Variants in CHD8 observed in about 807,000 individuals in gnomAD.
CHD8 encodes the protein ATP-dependent chromatin remodeler CHD8.
In CHD8, 31 loss-of-function variants were observed where a neutral mutation model predicts 279.2. The observed-to-expected ratio is 0.11, with a 90% CI of 0.08 to 0.15. The LOEUF is 0.15. Ranked by LOEUF, CHD8 falls within the 10% of genes least tolerant of loss-of-function variation. The pLI is 1.00. For missense variants in CHD8, 2,146 were observed against 3,230.5 expected (o/e 0.66, Z 8.14); for synonymous variants, 1,081 against 1,139.6 (o/e 0.95, Z 1.04).
Position 21,431,852 on chromosome 14 carries a change from GGA to G in CHD8, c.-211_-210del. 1 of 1,608,608 alleles carries G rather than the reference GGA, an allele frequency of 6.2e-7. No homozygotes were observed. The highest frequency in any genetic ancestry group is 8.5e-7 in the Non-Finnish European group (1 of 1,174,996). ...GGCTACGTCTTCAGAGGAAGATGGT[GGA>G]ACTCCTGTTGTAGGAATACAAATAC... On this transcript the variant is annotated 5_prime_UTR_variant, in exon 2 of 38. Coordinates refer to ENST00000646647, the MANE Select transcript of CHD8 (RefSeq NM_001170629.2).
In CHD8 at chr14:21,415,506, AAAATAAATAAATAAAT is replaced by A. The variant is rs34695967; in HGVS notation, c.1968+52_1968+67del. ...GGTAACACAGTTAGACTCTATTTCA[AAAATAAATAAATAAAT>A]AAATAAATAAATAAATAAATAAAAA... On this transcript the variant is annotated intron_variant, in intron 7 of 37. Transcript: ENST00000646647. 27 of 807,902 alleles carry A rather than the reference AAAATAAATAAATAAAT, an allele frequency of 3.3e-5. No homozygotes were observed. The Middle Eastern group carries it at 1.7e-3, about 50-fold the overall frequency. The allele number at this position is 807,902 out of a possible 1,614,324, so 50.0% of individuals were successfully genotyped here.
chr14:21,424,487 T>G (rs532382343), intron 5 of CHD8, among the ~76,000 whole-genome samples: 6 of 152,180 alleles, frequency 3.9e-5, no homozygotes, highest in Middle Eastern at 3.2e-3. Context: ...TTTTGTTTTT[T>G]TGAGGTGGAG....
intron 27 of CHD8, 32 bp downstream of exon 27, chr14:21,397,791 A>G (rs756234470): frequency 1.9e-6 from 3 of 1,605,336 alleles, no homozygotes; most frequent in Non-Finnish European, 2.6e-6. Flanking sequence ...GGCACAAGTT[A>G]GAGTTTTAAA....
At position 21,447,114 on chromosome 14, in the gene CHD8, GCA is replaced by G. The variant is rs534110584; in HGVS notation, c.-216+8916_-216+8917del. Among the ~76,000 whole-genome samples the G allele has an allele frequency of 2.0e-3, 303 of 152,302 alleles. 6 individuals carry two copies. Among genetic ancestry groups the G allele is most frequent in the Admixed American group, 0.015 (236 of 15,292 alleles). ...ACTGCATGACAACAAAAGGACAGTAGCACAGTTTCCTACCAGAAACATTCAGA... is the reference window on the plus strand; with the variant it reads ...ACTGCATGACAACAAAAGGACAGTAGCAGTTTCCTACCAGAAACATTCAGA... On this transcript the variant is annotated intron_variant, in intron 1 of 37. Coordinates refer to ENST00000646647, the MANE Select transcript of CHD8 (RefSeq NM_001170629.2).
In CHD8 at chr14:21,400,046, T is replaced by C. The variant is rs61756311; in HGVS notation, c.4752A>G (p.Leu1584=). Residue 1584 remains leucine (L), a synonymous_variant, in exon 25 of 38, where the codon CTA becomes CTG. Transcript: ENST00000646647. The surrounding 1 kb of genome is among the most constrained non-coding windows in gnomAD (Gnocchi z 4.2). ...CAATAACCTCCTGCCTCAGGTAGTA[T>C]AGCATTCGTACCCGCAACAGTACCC... ...CNKVLLRVRM[L]YYLRQEVIGD... 604 of 1,613,630 alleles carry C rather than the reference T, an allele frequency of 3.7e-4. No individual in the cohort carries two copies. Among genetic ancestry groups the C allele is most frequent in the Non-Finnish European group, 4.7e-4 (552 of 1,179,848 alleles).
intron 26 of CHD8, chr14:21,398,782 T>C (rs1235171275): frequency 6.0e-6 from 1 of 167,578 alleles, no homozygotes; most frequent in African/African-American, 2.4e-5. Context: ...TCCCTTCTTA[T>C]ACTCTACTTT....
rs1424766542 is a variant in CHD8, at chr14:21,440,088, A to G, written c.-215-8230T>C. 2.6e-5 allele frequency among the ~76,000 whole-genome samples: 4 copies of G among 152,256 alleles called. No homozygotes were observed. The East Asian group carries it at 7.7e-4, about 29-fold the overall frequency. The stretch of plus-strand genomic sequence containing the variant: ...GTATGTATGTGGGAAGAGGGTAAAG[A>G]GTAGGCAGTATGACAACAGTGACAA... On this transcript the variant is annotated intron_variant, in intron 1 of 37. Coordinates refer to ENST00000646647, the MANE Select transcript of CHD8 (RefSeq NM_001170629.2).
intron 5 of CHD8, among the ~76,000 whole-genome samples, chr14:21,417,241 A>G (rs1216867717): frequency 6.6e-6 from 1 of 152,102 alleles, no homozygotes; most frequent in African/African-American, 2.4e-5. Context: ...ATTTGGCAAC[A>G]CCCTTTGAAC....
chr14:21,438,527 A>AAG (rs1313041571), intron 1 of CHD8, among the ~76,000 whole-genome samples: 11 of 149,372 alleles, frequency 7.4e-5, no homozygotes, highest in African/African-American at 1.0e-4. Context: ...AAAAAAAAAA[A>AAG]AAAAGAAAGA....
intron 5 of CHD8, among the ~76,000 whole-genome samples, chr14:21,423,666 T>C (rs1016865963): frequency 1.3e-5 from 2 of 152,138 alleles, no homozygotes; most frequent in Non-Finnish European, 2.9e-5. Flanking sequence ...CCTCCCAAAG[T>C]GCAGTGATTA....
Position 21,441,890 on chromosome 14 carries a change from AAAAC to A in CHD8, c.-215-10036_-215-10033del, listed in dbSNP as rs57797895. Reference sequence around the variant, plus strand: ...GGTGACAGAGCGAGACTCCACCTCAAAAACAAACAAACAAACAAACAAAAACCAA... The same window carrying A: ...GGTGACAGAGCGAGACTCCACCTCAAAAACAAACAAACAAACAAAAACCAA... On this transcript the variant is annotated intron_variant, in intron 1 of 37. Coordinates refer to ENST00000646647, the MANE Select transcript of CHD8 (RefSeq NM_001170629.2). Among the ~76,000 whole-genome samples, 1,331 of 150,518 alleles carry A rather than the reference AAAAC, an allele frequency of 8.8e-3. 10 individuals are homozygous for A. Among genetic ancestry groups the A allele is most frequent in the Non-Finnish European group, 0.012 (834 of 67,562 alleles).
chr14:21,385,371 A>T lies in CHD8; in HGVS notation c.*242T>A. Reference sequence around the variant, plus strand: ...GAGGGGTGAGCACACCAGCTGCTCTAGTCTCCTTTCCTTCCCCAGAAATGA... The same window carrying T: ...GAGGGGTGAGCACACCAGCTGCTCTTGTCTCCTTTCCTTCCCCAGAAATGA... On this transcript the variant is annotated 3_prime_UTR_variant, in exon 38 of 38. Transcript: ENST00000646647. The T allele has an allele frequency of 1.7e-6, 1 of 582,622 alleles. No individual in the cohort carries two copies. Among genetic ancestry groups the T allele is most frequent in the Non-Finnish European group, 2.9e-6 (1 of 346,640 alleles). The allele number at this position is 582,622 out of a possible 1,614,324, so 36.1% of individuals were successfully genotyped here. A position where few individuals can be genotyped will look rare whatever the true frequency, so the allele number is the denominator to read the frequency against.
intron 37 of CHD8, among the ~76,000 whole-genome samples, chr14:21,390,696 T>C (rs1887487343): frequency 6.6e-6 from 1 of 151,010 alleles, no homozygotes; most frequent in Admixed American, 6.6e-5. Flanking sequence ...GAGAATTGCT[T>C]GAACCCGGCG....
In CHD8 at chr14:21,416,092, A is replaced by G. The variant is rs1289209913; in HGVS notation, c.1717-185T>C. 6.1e-6 allele frequency: 3 copies of G among 495,450 alleles called. No homozygotes were observed. In the East Asian group the frequency reaches 9.7e-5, roughly 16 times the overall value. 30.7% of individuals were successfully genotyped at this position (495,450 alleles called of 1,614,324 possible). A position where few individuals can be genotyped will look rare whatever the true frequency, so the allele number is the denominator to read the frequency against. ...TATGCTATGTACTGACCATATATCA[A>G]TTTGCTTAACTGCTTTATGAAAGGC... On this transcript the variant is annotated intron_variant, in intron 5 of 37. Transcript: ENST00000646647.
In CHD8 at chr14:21,405,096, G is replaced by T; in HGVS notation, c.3307+113C>A. On this transcript the variant is annotated intron_variant, in intron 16 of 37. Coordinates refer to ENST00000646647, the MANE Select transcript of CHD8 (RefSeq NM_001170629.2). This position sits in a 1 kb window ranked among gnomAD's most constrained non-coding sequence, Gnocchi z 4.2. ...CCATTTCCCTCCCATTCCTCAGTCC[G>T]CACCCCAAATTAGGTTGGTTGAGTC... 2 of 991,726 alleles carry T rather than the reference G, an allele frequency of 2.0e-6. No homozygotes were observed. Among genetic ancestry groups the T allele is most frequent in the Non-Finnish European group, 3.0e-6 (2 of 669,588 alleles). 61.4% of individuals were successfully genotyped at this position (991,726 alleles called of 1,614,324 possible).
chr14:21,401,031 G>T lies in CHD8; in HGVS notation c.4214C>A (p.Thr1405Lys). 6.2e-7 allele frequency: 1 copy of T among 1,613,222 alleles called. No individual in the cohort carries two copies. The highest frequency in any genetic ancestry group is 1.1e-5 in the South Asian group (1 of 90,962). Residue 1405 changes from threonine to lysine, a missense_variant, in exon 22 of 38, where the codon ACG becomes AAG. Transcript: ENST00000646647. ...VIDTPRVRKQTRHFSTLKDDD... is the reference protein window; with the variant it reads ...VIDTPRVRKQKRHFSTLKDDD... ...ATCTTTCAGAGTGCTAAAGTGGCGC[G>T]TTTGTTTTCGTACTCTAGGTGTGTC...
Position 21,405,110 on chromosome 14 carries a change from G to A in CHD8, c.3307+99C>T. On this transcript the variant is annotated intron_variant, in intron 16 of 37. Coordinates refer to ENST00000646647, the MANE Select transcript of CHD8 (RefSeq NM_001170629.2). The surrounding 1 kb of genome is among the most constrained non-coding windows in gnomAD (Gnocchi z 4.2). ...TTCCTCAGTCCGCACCCCAAATTAG[G>A]TTGGTTGAGTCAATGCATCCATTGT... 8.3e-7 allele frequency: 1 copy of A among 1,200,058 alleles called. No homozygotes were observed. Among genetic ancestry groups the A allele is most frequent in the Non-Finnish European group, 1.2e-6 (1 of 844,736 alleles). 74.3% of individuals were successfully genotyped at this position (1,200,058 alleles called of 1,614,324 possible).
At position 21,385,857 on chromosome 14, in the gene CHD8, G is replaced by GGGTGGGGGT; in HGVS notation, c.7493_7501dup (p.His2498_His2500dup). ...TGGATGGTGATGGTGGTGATGGTGG[G>GGGTGGGGGT]GGTGGGGGTGGTGGTGGTGGTGATG... On this transcript the variant is annotated inframe_insertion, in exon 38 of 38. Transcript: ENST00000646647. 1.3e-6 allele frequency: 2 copies of GGGTGGGGGT among 1,545,082 alleles called. No homozygotes were observed. Among genetic ancestry groups the GGGTGGGGGT allele is most frequent in the Non-Finnish European group, 1.8e-6 (2 of 1,142,350 alleles).
chr14:21,446,026 T>A (rs1890111065), intron 1 of CHD8, among the ~76,000 whole-genome samples: 1 of 151,626 alleles, frequency 6.6e-6, no homozygotes, highest in Non-Finnish European at 1.5e-5. Context: ...ATCCCGTCTC[T>A]ACTAAAACTG....
Sources: allele counts gnomAD v4.1 joint callset (sites outside exome capture counted in the v4.1 genomes callset), GRCh38; gene constraint gnomAD v4.1.1; non-coding constraint Gnocchi (gnomAD v3.1); transcripts MANE v1.5; gene names NCBI Gene and HGNC (gene_info 2026-07-23, HGNC 2026-07-21).